KIF13B: variants seen among roughly 807,000 people sequenced by gnomAD.
The protein encoded by KIF13B is kinesin-like protein KIF13B.
A neutral mutation model predicts 222.0 loss-of-function variants in KIF13B; 127 were observed. The ratio of observed to expected loss-of-function variants is 0.57; its 90% CI spans 0.50 to 0.66. The LOEUF is 0.66. Among genes scored for constraint, KIF13B ranks in the 30% least tolerant of loss-of-function variants. KIF13B has a pLI of 0.00. For missense variants in KIF13B, 2,173 were observed against 2,379.0 expected (o/e 0.91, Z 1.80); for synonymous variants, 976 against 919.0 (o/e 1.06, Z -1.12).
At chr8:29,086,469 G>A (rs1201699056) in intron 37 of KIF13B, among the ~76,000 whole-genome samples, 2 of 151,920 alleles carry the variant, frequency 1.3e-5, no homozygotes, top group East Asian at 1.9e-4. Context: ...GGCAGTAAGC[G>A]ATCATTGCAC....
intron 2 of KIF13B, among the ~76,000 whole-genome samples, chr8:29,229,847 G>A (rs773300766): frequency 6.6e-6 from 1 of 152,126 alleles, no homozygotes; most frequent in African/African-American, 2.4e-5. Context: ...AAAAGCAAAA[G>A]GGCATCATTT....
chr8:29,107,039 T>A (rs1443667105), intron 35 of KIF13B, among the ~76,000 whole-genome samples: 2 of 152,224 alleles, frequency 1.3e-5, no homozygotes, highest in Non-Finnish European at 2.9e-5. Flanking sequence ...GCTAACCTTT[T>A]TGAAAAAGAA....
At chr8:29,206,724 C>T (rs1813960093) in intron 2 of KIF13B, among the ~76,000 whole-genome samples, 1 of 152,104 alleles carries the variant, frequency 6.6e-6, no homozygotes, top group Non-Finnish European at 1.5e-5. Context: ...GGGACAAAAA[C>T]CTTGCCCTGC....
At chr8:29,169,106 T>C (rs1245273496) in intron 10 of KIF13B, among the ~76,000 whole-genome samples, 1 of 152,210 alleles carries the variant, frequency 6.6e-6, no homozygotes, top group Non-Finnish European at 1.5e-5. Flanking sequence ...TATGGAAAAC[T>C]GCTTTTGAAA....
At chr8:29,145,083 TCTC>T (rs1365480786) in intron 18 of KIF13B, among the ~76,000 whole-genome samples, 4 of 152,170 alleles carry the variant, frequency 2.6e-5, no homozygotes, top group African/African-American at 7.2e-5. Context: ...CCCTGAACCT[TCTC>T]CTTGTGACTG....
intron 2 of KIF13B, among the ~76,000 whole-genome samples, chr8:29,217,967 C>T (rs1367200442): frequency 6.6e-6 from 1 of 152,194 alleles, no homozygotes; most frequent in East Asian, 1.9e-4. Flanking sequence ...ACCACCTCTG[C>T]TCTCTACTTA....
intron 7 of KIF13B, among the ~76,000 whole-genome samples, chr8:29,180,584 A>G (rs531182254): frequency 6.6e-6 from 1 of 152,362 alleles, no homozygotes; most frequent in Admixed American, 6.5e-5. Context: ...AAGCAATACA[A>G]ATTTATTGTT....
intron 21 of KIF13B, among the ~76,000 whole-genome samples, chr8:29,136,539 C>T (rs953698746): frequency 4.0e-4 from 60 of 151,872 alleles, no homozygotes; most frequent in African/African-American, 1.4e-3. Context: ...GTTGACATCA[C>T]GCCATTGCAC....
chr8:29,250,645 C>T (rs940498331), intron 1 of KIF13B, among the ~76,000 whole-genome samples: 2 of 152,098 alleles, frequency 1.3e-5, no homozygotes, highest in Non-Finnish European at 2.9e-5. Context: ...AATAAAATTC[C>T]CACCCCAACC....
At position 29,177,986 on chromosome 8, in the gene KIF13B, G is replaced by A. The variant is rs141137819; in HGVS notation, c.721-408C>T. On this transcript the variant is annotated intron_variant, in intron 8 of 39. Transcript: ENST00000524189. ...AAACCCTTTATTAAAAGTATTTACT[G>A]TTACTTCAAAATTATTTTGTGCTGC... Among the ~76,000 whole-genome samples the A allele has an allele frequency of 2.6e-4, 40 of 152,270 alleles. 1 individual carries two copies. The highest frequency in any genetic ancestry group is 8.7e-4 in the African/African-American group (36 of 41,550).
intron 2 of KIF13B, among the ~76,000 whole-genome samples, chr8:29,235,906 T>C (rs1815487220): frequency 6.6e-6 from 1 of 152,154 alleles, no homozygotes; most frequent in Non-Finnish European, 1.5e-5. Flanking sequence ...AAAGGAATGC[T>C]AGAATGAAAA....
In KIF13B at chr8:29,071,710, C is replaced by T; in HGVS notation, c.5128G>A (p.Gly1710Ser). 5 of 1,550,760 alleles carry T rather than the reference C, an allele frequency of 3.2e-6. No individual in the cohort carries two copies. The highest frequency in any genetic ancestry group is 1.2e-5 in the South Asian group (1 of 84,076). ...WLREGEFVTV[G>S]AHKTGVVRYV... ...CTCACCACGCCCGTTTTGTGGGCGC[C>T]CACGGTGACGAACTCGCCCTCTCGG... is the stretch of plus-strand genomic sequence containing the variant. Residue 1710 changes from glycine (G) to serine (S), a missense_variant, in exon 39 of 40, where the codon GGC becomes AGC. Physicochemically the swap from Gly to Ser is moderately conservative, Grantham distance 56 (BLOSUM62 0). Coordinates refer to ENST00000524189, the MANE Select transcript of KIF13B (RefSeq NM_015254.4). The surrounding 1 kb of genome is among the most constrained non-coding windows in gnomAD (Gnocchi z 4.9).
Position 29,167,560 on chromosome 8 carries a change from G to A in KIF13B, c.971C>T (p.Thr324Ile). 2 of 1,614,018 alleles carry A rather than the reference G, an allele frequency of 1.2e-6. No individual in the cohort carries two copies. ...AGGACTCACAGTAGCCACCATGGCG[G>A]TCTTGCTGTTACCCCCGAGGCTGTC... is the stretch of plus-strand genomic sequence containing the variant. ...LKDSLGGNSK[T>I]AMVATVSPAA... The change falls in exon 11 of 40, where the codon ACC (threonine) becomes ATC (isoleucine). Residue 324 changes from threonine (T) to isoleucine (I), a missense_variant. By Grantham distance (89) the Thr-to-Ile change is moderately conservative (BLOSUM62 -1). Around this residue, in one of 2 missense-constraint regions of KIF13B, gnomAD observed 1,480 missense variants for 1,722.8 expected, o/e 0.86. Transcript: ENST00000524189.
rs1810833261 is a variant in KIF13B at position 29,141,877 on chromosome 8, G to A, written c.2334+280C>T. On this transcript the variant is annotated intron_variant, in intron 19 of 39. Transcript: ENST00000524189. ...CTAAAGAGGTTCCCAGAGAGCACAG[G>A]AGACAGACACCCGCACACCAACAGA... Among the ~76,000 whole-genome samples, 3 of 152,290 alleles carry A rather than the reference G, an allele frequency of 2.0e-5. 1 individual carries two copies. The South Asian group carries it at 6.2e-4, about 32-fold the overall frequency.
At chr8:29,132,229 G>C in intron 23 of KIF13B, 79 bp downstream of exon 23, 3 of 1,111,754 alleles carry the variant, frequency 2.7e-6, no homozygotes, top group Admixed American at 3.0e-5. Flanking sequence ...CTGGGTGACA[G>C]AGTGAATGAG....
intron 11 of KIF13B, 99 bp downstream of exon 11, chr8:29,167,274 G>T: frequency 1.1e-6 from 1 of 937,052 alleles, no homozygotes; most frequent in Non-Finnish European, 1.7e-6. Context: ...CAAATTTTAA[G>T]TAGAGTACTC....
chr8:29,238,262 A>T (rs1815601305), intron 2 of KIF13B, among the ~76,000 whole-genome samples: 1 of 152,246 alleles, frequency 6.6e-6, no homozygotes, highest in African/African-American at 2.4e-5. Context: ...GACTTCATGT[A>T]TGCCATAAGG....
chr8:29,245,416 C>T lies in KIF13B; in HGVS notation c.79G>A (p.Val27Met). The T allele has an allele frequency of 1.2e-6, 2 of 1,600,700 alleles. No individual in the cohort carries two copies. Among genetic ancestry groups the T allele is most frequent in the African/African-American group, 1.3e-5 (1 of 74,886 alleles). Residue 27 changes from valine (V) to methionine (M), a missense_variant, in exon 2 of 40, where the codon GTG becomes ATG. Val to Met is a conservative substitution (Grantham distance 21). This residue lies in a region of KIF13B where 1,480 missense variants were observed against 1,722.8 expected (regional missense o/e 0.86). Coordinates refer to ENST00000524189, the MANE Select transcript of KIF13B (RefSeq NM_015254.4). ...RRETDLHTKC[V>M]VDVDANKVIL... The stretch of plus-strand genomic sequence containing the variant: ...ACCTTGTTTGCATCCACATCCACCA[C>T]ACATTTGGTATGCAAGTCAGTCTCT...
At chr8:29,245,075 C>T (rs1815961426) in intron 2 of KIF13B, among the ~76,000 whole-genome samples, 1 of 152,226 alleles carries the variant, frequency 6.6e-6, no homozygotes. Flanking sequence ...GCACCTCCTT[C>T]AAGAAGCCTT....
Sources: gnomAD v4.1 joint callset for allele counts (sites outside exome capture counted in the v4.1 genomes callset) on GRCh38, gnomAD v4.1.1 for gene constraint, gnomAD v4.1.1 regional missense constraint, Gnocchi (gnomAD v3.1) non-coding constraint, MANE v1.5 for transcripts, NCBI Gene and HGNC (gene_info 2026-07-23, HGNC 2026-07-21) for gene names.